The following CNBD1 variants were observed in gnomAD, a reference collection of about 807,000 sequenced individuals.
The protein encoded by CNBD1 is cyclic nucleotide-binding domain-containing protein 1.
In CNBD1, 71 loss-of-function variants were observed where a neutral mutation model predicts 54.4. That is an observed-to-expected ratio of 1.30 (90% CI 1.08 to 1.59). CNBD1 has a LOEUF of 1.59. CNBD1 is among the 40% of genes most tolerant of loss of function. CNBD1 has a pLI of 0.00. For synonymous variants in CNBD1, 182 were observed against 170.7 expected (o/e 1.07, Z -0.51); for missense variants, 659 against 518.0 (o/e 1.27, Z -2.64).
chr8:87,148,081 T>C (rs1434131915), intron 4 of CNBD1, among the ~76,000 whole-genome samples: 1 of 152,214 alleles, frequency 6.6e-6, no homozygotes, highest in Non-Finnish European at 1.5e-5. Context: ...GAGATATTCA[T>C]ATATGCATTC....
chr8:86,887,109 T>C (rs7828083), intron 1 of CNBD1, among the ~76,000 whole-genome samples: 71,699 of 151,920 alleles, frequency 0.47, 17,117 homozygotes, highest in East Asian at 0.55. Context: ...TAGGATTGAA[T>C]AGGCCGACAT....
chr8:87,348,372 G>C (rs1482428380), intron 8 of CNBD1, among the ~76,000 whole-genome samples: 1 of 152,118 alleles, frequency 6.6e-6, no homozygotes. Flanking sequence ...CTGTTACAGA[G>C]ATGTAAAGCC....
At chr8:87,367,894 G>A (rs576816258) in intron 10 of CNBD1, among the ~76,000 whole-genome samples, 4 of 152,178 alleles carry the variant, frequency 2.6e-5, no homozygotes, top group African/African-American at 7.2e-5. Flanking sequence ...TATGTTGGCC[G>A]GGAGTGGTGG....
At chr8:87,372,513 T>C (rs1810834189) in intron 10 of CNBD1, among the ~76,000 whole-genome samples, 1 of 151,942 alleles carries the variant, frequency 6.6e-6, no homozygotes, top group Non-Finnish European at 1.5e-5. Flanking sequence ...GTTGATTTTC[T>C]GTTTTAGAGT....
intron 10 of CNBD1, among the ~76,000 whole-genome samples, chr8:87,358,178 G>T (rs112127499): frequency 0.024 from 3,674 of 152,020 alleles, 151 homozygotes; most frequent in African/African-American, 0.081. Flanking sequence ...CCCAGCCTTG[G>T]GTATTCCTTC....
chr8:87,126,275 A>C (rs987487435), intron 4 of CNBD1, among the ~76,000 whole-genome samples: 1 of 151,980 alleles, frequency 6.6e-6, no homozygotes, highest in African/African-American at 2.4e-5. Context: ...TGGTTGTACC[A>C]CTTTACATTC....
intron 3 of CNBD1, among the ~76,000 whole-genome samples, chr8:86,926,826 G>A (rs1809368921): frequency 6.6e-6 from 1 of 152,172 alleles, no homozygotes; most frequent in African/African-American, 2.4e-5. Context: ...GAGAGTGTGT[G>A]GTAGTAGGAT....
intron 10 of CNBD1, among the ~76,000 whole-genome samples, chr8:87,364,235 G>A (rs913278817): frequency 1.3e-5 from 2 of 151,006 alleles, no homozygotes; most frequent in South Asian, 2.1e-4. Context: ...CTATATATAT[G>A]TATATATATT....
At chr8:87,085,538 T>G (rs552938640) in intron 4 of CNBD1, among the ~76,000 whole-genome samples, 37 of 152,260 alleles carry the variant, frequency 2.4e-4, no homozygotes, top group African/African-American at 8.2e-4. Flanking sequence ...ATTTATTTAT[T>G]TTTATTCTTA....
intron 8 of CNBD1, among the ~76,000 whole-genome samples, chr8:87,334,430 T>C (rs1809900245): frequency 6.6e-6 from 1 of 152,144 alleles, no homozygotes; most frequent in African/African-American, 2.4e-5. Context: ...CTTTTGGATT[T>C]CTTTGCTCTT....
At chr8:86,979,882 G>A (rs371446906) in intron 4 of CNBD1, among the ~76,000 whole-genome samples, 3 of 152,236 alleles carry the variant, frequency 2.0e-5, no homozygotes, top group Admixed American at 6.5e-5. Flanking sequence ...TGATAACATC[G>A]TAGATCCTTT....
chr8:87,229,665 C>T (rs1228061956), intron 5 of CNBD1, among the ~76,000 whole-genome samples: 1 of 152,018 alleles, frequency 6.6e-6, no homozygotes, highest in African/African-American at 2.4e-5. Flanking sequence ...CATTTTAACT[C>T]CATTTACAAT....
chr8:87,087,625 G>A (rs926867824), intron 4 of CNBD1, among the ~76,000 whole-genome samples: 29 of 151,336 alleles, frequency 1.9e-4, no homozygotes, highest in Non-Finnish European at 1.9e-4. Flanking sequence ...CACCACGCCC[G>A]GCTATTTTTT....
At chr8:87,340,810 CAT>C (rs1810049593) in intron 8 of CNBD1, among the ~76,000 whole-genome samples, 1 of 151,912 alleles carries the variant, frequency 6.6e-6, no homozygotes. Context: ...ATTTTGTTCA[CAT>C]ATTGTTTTTC....
chr8:87,209,383 T>C lies in CNBD1; in HGVS notation c.577+3245T>C, dbSNP rs1010579693. On this transcript the variant is annotated intron_variant, in intron 5 of 10. Coordinates refer to ENST00000518476, the MANE Select transcript of CNBD1 (RefSeq NM_173538.3). ...AAAATTAGTAGTGTTTCTCTACTAA[T>C]AAAATATTCAAAAAGGAAAATAAGC... Among the ~76,000 whole-genome samples, 6 of 152,020 alleles carry C rather than the reference T, an allele frequency of 3.9e-5. No individual in the cohort carries two copies. The South Asian group carries it at 1.2e-3, about 32-fold the overall frequency.
At chr8:87,416,521 G>T (rs1807835845) in intron 2 of CNBD1, among the ~76,000 whole-genome samples, 1 of 152,006 alleles carries the variant, frequency 6.6e-6, no homozygotes, top group Non-Finnish European at 1.5e-5. Context: ...AACTGGAAGT[G>T]TGACAGTCAC....
At chr8:87,321,021 T>C (rs552988373) in intron 8 of CNBD1, among the ~76,000 whole-genome samples, 13 of 152,290 alleles carry the variant, frequency 8.5e-5, no homozygotes, top group African/African-American at 2.9e-4. Flanking sequence ...TGCATCCATG[T>C]TGCAGAATAT....
At chr8:87,274,654 A>T (rs199921764) in intron 6 of CNBD1, among the ~76,000 whole-genome samples, 29 of 132,202 alleles carry the variant, frequency 2.2e-4, no homozygotes, top group Admixed American at 2.2e-4. Flanking sequence ...AGTTCATTGT[A>T]GTTTCTGGAT....
chr8:87,132,475 T>A (rs926370386), intron 4 of CNBD1, among the ~76,000 whole-genome samples: 1 of 151,076 alleles, frequency 6.6e-6, no homozygotes, highest in Non-Finnish European at 1.5e-5. Flanking sequence ...GTTCAGTGGT[T>A]TGACTCTGAC....
Sources: allele counts gnomAD v4.1 joint callset (sites outside exome capture counted in the v4.1 genomes callset), GRCh38; gene constraint gnomAD v4.1.1; transcripts MANE v1.5; gene names NCBI Gene and HGNC (gene_info 2026-07-23, HGNC 2026-07-21).